The following FOCAD variants were observed in gnomAD, a reference collection of about 807,000 sequenced individuals.
FOCAD encodes focadhesin.
Under a neutral mutation model 225.6 loss-of-function variants are expected in FOCAD, and 198 were observed. The ratio of observed to expected loss-of-function variants is 0.88; its 90% CI spans 0.78 to 0.99. The LOEUF is 0.99. Among genes scored for constraint, FOCAD ranks in the 50% least tolerant of loss-of-function variants. The pLI is 0.00. For missense variants in FOCAD, 2,713 were observed against 2,123.6 expected, an observed-to-expected ratio of 1.28 and a Z score of -5.46; for synonymous variants, 897 against 755.0, an observed-to-expected ratio of 1.19 and a Z score of -3.08.
intron 11 of FOCAD, among the ~76,000 whole-genome samples, chr9:20,815,732 A>G (rs1823665311): frequency 6.6e-6 from 1 of 152,120 alleles, no homozygotes; most frequent in South Asian, 2.1e-4. Context: ...AGTCAATTAT[A>G]GGACACTTAC....
At chr9:20,938,434 C>T (rs1036332712) in intron 28 of FOCAD, among the ~76,000 whole-genome samples, 1 of 152,128 alleles carries the variant, frequency 6.6e-6, no homozygotes, top group African/African-American at 2.4e-5. Flanking sequence ...TTTGTAGGGA[C>T]ATGGATGAAG....
intron 15 of FOCAD, among the ~76,000 whole-genome samples, chr9:20,832,750 C>T (rs1168383465): frequency 2.0e-5 from 3 of 151,968 alleles, no homozygotes; most frequent in African/African-American, 7.2e-5. Flanking sequence ...GCATAATGCC[C>T]TCTAGTTTCA....
At chr9:20,862,454 A>G (rs1257734505) in intron 15 of FOCAD, 124 bp from the exon 16 acceptor site, 3 of 1,081,774 alleles carry the variant, frequency 2.8e-6, no homozygotes, top group East Asian at 2.6e-5. Context: ...ATTAAGTCCT[A>G]TCTTCTAGGC....
intron 6 of FOCAD, among the ~76,000 whole-genome samples, chr9:20,759,071 G>A (rs959795727): frequency 1.1e-4 from 17 of 152,158 alleles, no homozygotes; most frequent in African/African-American, 4.1e-4. Context: ...GGATATGAAG[G>A]ACCTCTTCAA....
chr9:20,862,481 C>A, intron 15 of FOCAD, 97 bp from the exon 16 acceptor site: 1 of 1,363,828 alleles, frequency 7.3e-7, no homozygotes, highest in African/African-American at 1.5e-5. Flanking sequence ...TTATTTGTTT[C>A]TTAAGTTTCC....
chr9:20,866,917 T>TTTTTTAAAAAAAAAA lies in FOCAD; in HGVS notation c.2107-12_2107-11insTTTTTAAAAAAAAAA. 2 of 764,972 alleles carry TTTTTTAAAAAAAAAA rather than the reference T, an allele frequency of 2.6e-6. No individual in the cohort carries two copies. The highest frequency in any genetic ancestry group is 4.0e-6 in the Non-Finnish European group (2 of 498,468). The allele number at this position is 764,972 out of a possible 1,614,324, so 47.4% of individuals were successfully genotyped here. ...TTTTTTTTTTTTTTTTTTTTTTTTT[T>TTTTTTAAAAAAAAAA]ACCCTATCTAGGACCCAATTGTAGC... On this transcript the variant is annotated splice_polypyrimidine_tract_variant and intron_variant, in intron 17 of 43. Transcript: ENST00000338382.
At position 20,750,099 on chromosome 9, in the gene FOCAD, T is replaced by C. The variant is rs202227925; in HGVS notation, c.393-7991T>C. Among the ~76,000 whole-genome samples, 3 of 152,180 alleles carry C rather than the reference T, an allele frequency of 2.0e-5. No homozygotes were observed. The East Asian group carries it at 5.8e-4, about 29-fold the overall frequency. On this transcript the variant is annotated intron_variant, in intron 5 of 43. Transcript: ENST00000338382. ...GTGTGCTTCCTCTGCTTTTTTCTTCTCTGAACAGTGTTGACTTTGGGACAA... is the reference window on the plus strand; with the variant it reads ...GTGTGCTTCCTCTGCTTTTTTCTTCCCTGAACAGTGTTGACTTTGGGACAA...
At chr9:20,969,725 G>C (rs1026944229) in intron 35 of FOCAD, among the ~76,000 whole-genome samples, 1 of 146,644 alleles carries the variant, frequency 6.8e-6, no homozygotes. Flanking sequence ...TATATATATA[G>C]ATATATAACA....
chr9:20,789,510 T>C lies in FOCAD; in HGVS notation c.1357T>C (p.Phe453Leu). The change falls in exon 11 of 44, where the codon TTT becomes CTT. Residue 453 changes from phenylalanine (F) to leucine (L), a missense_variant. Transcript: ENST00000338382. ...TACTGCTGTGATCCCTGCGCCTGCC[T>C]TTCTTCTGCTGGCTCACCTCCTTGT... ...PITAVIPAPAFLLLAHLLVED... is the reference protein window; with the variant it reads ...PITAVIPAPALLLLAHLLVED... The C allele has an allele frequency of 1.2e-6, 2 of 1,613,986 alleles. No individual in the cohort carries two copies. The highest frequency in any genetic ancestry group is 1.7e-6 in the Non-Finnish European group (2 of 1,179,988).
intron 4 of FOCAD, among the ~76,000 whole-genome samples, chr9:20,729,886 T>C (rs1395969141): frequency 6.6e-6 from 1 of 152,184 alleles, no homozygotes; most frequent in Non-Finnish European, 1.5e-5. Context: ...TATAATTGTT[T>C]AATTGTGGTG....
rs886780760 is a variant in FOCAD, at chr9:20,903,399, G to T, written c.2626-3751G>T. 2.6e-5 allele frequency among the ~76,000 whole-genome samples: 4 copies of T among 151,860 alleles called. No homozygotes were observed. The South Asian group carries it at 8.3e-4, about 31-fold the overall frequency. The stretch of plus-strand genomic sequence containing the variant: ...CTCTTTCCTGGATTGTTGACGTCGC[G>T]TCTGAGTAGGTTTTCTTGTGTTGAC... On this transcript the variant is annotated intron_variant, in intron 21 of 43. Coordinates refer to ENST00000338382, the MANE Select transcript of FOCAD (RefSeq NM_001375567.1).
intron 15 of FOCAD, among the ~76,000 whole-genome samples, chr9:20,849,243 C>G (rs1202372254): frequency 6.6e-6 from 1 of 151,906 alleles, no homozygotes; most frequent in Non-Finnish European, 1.5e-5. Flanking sequence ...TCCTACTTTG[C>G]TAACATTTCT....
intron 5 of FOCAD, among the ~76,000 whole-genome samples, chr9:20,753,704 C>T (rs1828782677): frequency 6.6e-6 from 1 of 152,010 alleles, no homozygotes; most frequent in African/African-American, 2.4e-5. Context: ...TCCCTCTTTT[C>T]CACTTCTATT....
chr9:20,990,275 T>C lies in FOCAD; in HGVS notation c.5157T>C (p.Ser1719=). ...AGPVPSFLGR[S]PMHRVTLQEV... is the part of the protein sequence containing the mutation. ...CAGTACCAAGCTTCCTTGGCAGGAG[T>C]CCAATGCACAGGGTCACTCTGCAGG... Residue 1719 remains serine (S), a synonymous_variant, in exon 42 of 44, where the codon AGT becomes AGC. Coordinates refer to ENST00000338382, the MANE Select transcript of FOCAD (RefSeq NM_001375567.1). The C allele has an allele frequency of 6.2e-7, 1 of 1,613,802 alleles. No individual in the cohort carries two copies.
intron 1 of FOCAD, among the ~76,000 whole-genome samples, chr9:20,689,334 C>T (rs1433648522): frequency 6.6e-6 from 1 of 151,852 alleles, no homozygotes; most frequent in Non-Finnish European, 1.5e-5. Flanking sequence ...GACTGTGGTA[C>T]CCAGGGAGGA....
chr9:20,832,278 C>G (rs1196275287), intron 15 of FOCAD, among the ~76,000 whole-genome samples: 3 of 152,012 alleles, frequency 2.0e-5, no homozygotes, highest in African/African-American at 7.2e-5. Flanking sequence ...TCCAGAGTAG[C>G]AGTTCTGTTT....
At chr9:20,905,915 T>C (rs1448495686) in intron 21 of FOCAD, among the ~76,000 whole-genome samples, 2 of 134,534 alleles carry the variant, frequency 1.5e-5, no homozygotes, top group South Asian at 2.5e-4. Context: ...GCTGAGTATC[T>C]GTTTTATACT....
At chr9:20,670,556 G>C (rs1822032613) in intron 2 of FOCAD, among the ~76,000 whole-genome samples, 2 of 152,112 alleles carry the variant, frequency 1.3e-5, no homozygotes, top group South Asian at 4.1e-4. Flanking sequence ...CAGATCTTGT[G>C]AGAATGCATT....
At chr9:20,681,672 A>T (rs1822401042), upstream of FOCAD, among the ~76,000 whole-genome samples, 1 of 152,194 alleles carries the variant, frequency 6.6e-6, no homozygotes, top group Non-Finnish European at 1.5e-5. Flanking sequence ...AGGCTCTAGA[A>T]TACGTCTTTC....
Sources: allele counts gnomAD v4.1 joint callset (sites outside exome capture counted in the v4.1 genomes callset), GRCh38; gene constraint gnomAD v4.1.1; transcripts MANE v1.5; gene names NCBI Gene and HGNC (gene_info 2026-07-23, HGNC 2026-07-21).